Variants in ATP8B4 observed in about 807,000 individuals in gnomAD.
ATP8B4 encodes the protein ATPase phospholipid transporting 8B4 (putative).
A neutral mutation model predicts 145.6 loss-of-function variants in ATP8B4; 133 were observed. That is an observed-to-expected ratio of 0.91 (90% confidence interval 0.79 to 1.05). ATP8B4 has a LOEUF of 1.05. ATP8B4 is among the 50% of genes least tolerant of loss of function. The probability of loss-of-function intolerance (pLI) is 0.00; values close to 1 mark genes in which losing one functional copy is unlikely to be tolerated. For synonymous variants in ATP8B4, 507 were observed against 492.9 expected, an observed-to-expected ratio of 1.03 and a Z score of -0.38; for missense variants, 1,458 against 1,425.2, an observed-to-expected ratio of 1.02 and a Z score of -0.37.
chr15:49,940,697 G>C (rs1157955501), intron 14 of ATP8B4, among the ~76,000 whole-genome samples: 1 of 152,116 alleles, frequency 6.6e-6, no homozygotes, highest in Admixed American at 6.6e-5. Context: ...AGAGAATAAG[G>C]GGCTAGGTCC....
intron 20 of ATP8B4, among the ~76,000 whole-genome samples, chr15:49,916,116 A>G (rs1218589374): frequency 6.6e-6 from 1 of 152,094 alleles, no homozygotes; most frequent in Non-Finnish European, 1.5e-5. Flanking sequence ...AAGCTACTAC[A>G]AGCAGCAAGC....
At chr15:50,022,064 GAAAT>G (rs2049618664) in intron 6 of ATP8B4, among the ~76,000 whole-genome samples, 1 of 152,032 alleles carries the variant, frequency 6.6e-6, no homozygotes, top group African/African-American at 2.4e-5. Context: ...GACAATAAAA[GAAAT>G]AAATAAAAAC....
chr15:49,978,739 TACAC>T (rs60436585), intron 12 of ATP8B4, among the ~76,000 whole-genome samples: 14,018 of 122,668 alleles, frequency 0.11, 750 homozygotes, highest in Non-Finnish European at 0.12. Context: ...CTTTATCAAA[TACAC>T]ACACACACAC....
At chr15:50,105,656 A>G (rs2056639548) in intron 2 of ATP8B4, among the ~76,000 whole-genome samples, 1 of 152,178 alleles carries the variant, frequency 6.6e-6, no homozygotes, top group Non-Finnish European at 1.5e-5. Flanking sequence ...TGTGCAACAC[A>G]GCAACCTCAA....
chr15:49,985,380 G>C (rs928207969), intron 10 of ATP8B4, among the ~76,000 whole-genome samples: 10 of 152,184 alleles, frequency 6.6e-5, no homozygotes, highest in Admixed American at 5.9e-4. Context: ...ACAGGCGTGA[G>C]CCACCGCGCC....
At chr15:50,031,433 A>G (rs1451752711) in intron 6 of ATP8B4, among the ~76,000 whole-genome samples, 1 of 152,130 alleles carries the variant, frequency 6.6e-6, no homozygotes, top group Non-Finnish European at 1.5e-5. Flanking sequence ...CCCACAATTG[A>G]AAGGGAATAA....
chr15:50,028,874 A>G (rs1191184299), intron 6 of ATP8B4, among the ~76,000 whole-genome samples: 1 of 152,152 alleles, frequency 6.6e-6, no homozygotes, highest in Admixed American at 6.5e-5. Flanking sequence ...TTAGTCTTCT[A>G]GGGCTGCTAT....
At position 50,002,152 on chromosome 15, in the gene ATP8B4, C is replaced by T; in HGVS notation, c.506+1G>A. 1 of 1,601,254 alleles carries T rather than the reference C, an allele frequency of 6.2e-7. No individual in the cohort carries two copies. Among genetic ancestry groups the T allele is most frequent in the Non-Finnish European group, 8.5e-7 (1 of 1,170,444 alleles). The stretch of plus-strand genomic sequence containing the variant: ...AAATTATTCTAATTTTAATAACTTA[C>T]CCATCAAGCTCAGCAGTTTCAACAT... On this transcript the variant is annotated splice_donor_variant, in intron 8 of 27. Coordinates refer to ENST00000284509, the MANE Select transcript of ATP8B4 (RefSeq NM_024837.4). LOFTEE classifies it high-confidence loss of function.
At chr15:50,128,491 C>T (rs369201817) in intron 1 of ATP8B4, among the ~76,000 whole-genome samples, 2 of 152,188 alleles carry the variant, frequency 1.3e-5, no homozygotes, top group East Asian at 3.9e-4. Context: ...TCTGCTTGTG[C>T]AAAGAGAATC....
intron 1 of ATP8B4, among the ~76,000 whole-genome samples, chr15:50,136,079 T>C (rs1291728886): frequency 1.3e-5 from 2 of 152,152 alleles, no homozygotes; most frequent in Non-Finnish European, 2.9e-5. Flanking sequence ...GATCCCCTGA[T>C]TGAGTCGATT....
intron 6 of ATP8B4, among the ~76,000 whole-genome samples, chr15:50,024,215 G>C (rs1053088500): frequency 6.6e-6 from 1 of 152,186 alleles, no homozygotes; most frequent in Non-Finnish European, 1.5e-5. Context: ...ACCCTGGACA[G>C]ACGGAGAGAG....
intron 1 of ATP8B4, among the ~76,000 whole-genome samples, chr15:50,155,260 T>C (rs116535820): frequency 0.014 from 2,075 of 152,224 alleles, 49 homozygotes; most frequent in African/African-American, 0.048. Flanking sequence ...TATCAAAGAA[T>C]TGCACAAACA....
intron 2 of ATP8B4, among the ~76,000 whole-genome samples, chr15:50,081,335 C>CT (rs1827995162): frequency 6.6e-6 from 1 of 151,952 alleles, no homozygotes; most frequent in Non-Finnish European, 1.5e-5. Flanking sequence ...CAGAAAAATC[C>CT]TTTTTTAAAA....
rs554186949 is a variant in ATP8B4 at position 50,160,382 on chromosome 15, T to C, written c.-43+21879A>G. Among the ~76,000 whole-genome samples, 25 of 152,124 alleles carry C rather than the reference T, an allele frequency of 1.6e-4. No individual in the cohort carries two copies. In the South Asian group the frequency reaches 5.0e-3, roughly 30 times the overall value. ...ATTTTTTTAATTTCAATTTCATTTA[T>C]TTTTGGTCTGATCTTTATTATTTCT... is the stretch of plus-strand genomic sequence containing the variant. On this transcript the variant is annotated intron_variant, in intron 1 of 3. Coordinates refer to the ATP8B4 transcript ENST00000558829.
rs74012861 is a variant in ATP8B4 at position 49,992,287 on chromosome 15, C to G, written c.589+4390G>C. Among the ~76,000 whole-genome samples the G allele has an allele frequency of 4.8e-3, 730 of 152,268 alleles. 1 individual carries two copies. Among genetic ancestry groups the G allele is most frequent in the African/African-American group, 0.017 (707 of 41,556 alleles). On this transcript the variant is annotated intron_variant, in intron 9 of 27. Transcript: ENST00000284509. ...TTTAGGGCCTTTACCTTATCAAAGG[C>G]TTCTTTAGGGATGAGCCCTTGTTCA...
At chr15:49,971,685 T>C (rs1399759701) in intron 13 of ATP8B4, among the ~76,000 whole-genome samples, 2 of 152,198 alleles carry the variant, frequency 1.3e-5, no homozygotes, top group Non-Finnish European at 2.9e-5. Context: ...GAATGTGAAT[T>C]AGTTCAACCA....
At chr15:50,043,663 T>C (rs1241243248) in intron 5 of ATP8B4, among the ~76,000 whole-genome samples, 1 of 152,216 alleles carries the variant, frequency 6.6e-6, no homozygotes, top group Non-Finnish European at 1.5e-5. Flanking sequence ...ATTATAAGAA[T>C]ACAGTGTAGG....
At chr15:49,977,943 ATT>A (rs1384546560) in intron 12 of ATP8B4, among the ~76,000 whole-genome samples, 1 of 152,170 alleles carries the variant, frequency 6.6e-6, no homozygotes, top group African/African-American at 2.4e-5. Flanking sequence ...TCACACAGCT[ATT>A]AGTGGCAGTA....
At chr15:50,087,195 A>ATT (rs1312794909) in intron 2 of ATP8B4, among the ~76,000 whole-genome samples, 1 of 129,810 alleles carries the variant, frequency 7.7e-6, no homozygotes, top group Non-Finnish European at 1.6e-5. Context: ...ATCTCTGTAT[A>ATT]TTATATATAA....
Sources: gnomAD v4.1 joint callset for allele counts (sites outside exome capture counted in the v4.1 genomes callset) on GRCh38, gnomAD v4.1.1 for gene constraint, MANE v1.5 for transcripts, NCBI Gene and HGNC (gene_info 2026-07-23, HGNC 2026-07-21) for gene names.